The following FN1 variants were observed in gnomAD, a reference collection of about 807,000 sequenced individuals.
The protein encoded by FN1 is fibronectin.
FN1 carries 106 observed loss-of-function variants against 297.3 expected under a neutral mutation model. That is an observed-to-expected ratio of 0.36 (90% CI 0.30 to 0.42). The LOEUF (loss-of-function observed/expected upper bound fraction) is 0.42, where lower values mean the gene tolerates loss of function less well. FN1 is among the 10% of genes least tolerant of loss of function. FN1 has a pLI of 1.00. For synonymous variants in FN1, 1,149 were observed against 1,152.6 expected (o/e 1.00, Z 0.06); for missense variants, 2,690 against 3,124.9 (o/e 0.86, Z 3.32).
intron 5 of FN1, among the ~76,000 whole-genome samples, chr2:215,428,993 C>T (rs1222538885): frequency 1.4e-4 from 21 of 151,744 alleles, no homozygotes; most frequent in Non-Finnish European, 2.6e-4. Flanking sequence ...CCAGCCTGGG[C>T]GACAGGGTGA....
intron 39 of FN1, 108 bp from the exon 40 acceptor site, chr2:215,372,483 A>G (rs765653832): frequency 3.6e-6 from 3 of 831,796 alleles, no homozygotes; most frequent in Non-Finnish European, 6.1e-6. Flanking sequence ...TCAATTTGAT[A>G]AAAGCCACCA....
At position 215,419,327 on chromosome 2, in the gene FN1, C is replaced by T. The variant is rs756253210; in HGVS notation, c.1734G>A (p.Lys578=). Reference sequence around the variant, plus strand: ...ACTGGTATCTGACACCATGCACATACTTCTCCCATGAATCTCCAATTTGAT... The same window carrying T: ...ACTGGTATCTGACACCATGCACATATTTCTCCCATGAATCTCCAATTTGAT... The part of the protein sequence containing the change: ...TFYQIGDSWE[K]YVHGVRYQCY... Residue 578 remains lysine (K), a synonymous_variant, in exon 12 of 46, where the codon AAG becomes AAA. Coordinates refer to ENST00000354785, the MANE Select transcript of FN1 (RefSeq NM_212482.4). 1.2e-6 allele frequency: 2 copies of T among 1,613,372 alleles called. No homozygotes were observed. Among genetic ancestry groups the T allele is most frequent in the South Asian group, 1.1e-5 (1 of 91,062 alleles).
Position 215,436,044 on chromosome 2 carries a change from C to G in FN1, c.-242G>C, listed in dbSNP as rs1477778371. On this transcript the variant is annotated 5_prime_UTR_variant, in exon 1 of 46. Coordinates refer to ENST00000354785, the MANE Select transcript of FN1 (RefSeq NM_212482.4). ...CGCGCCTGGGGTTCCCTCTCCTCCCCCTGTGCAGCACAGCCGGCGCGGGCG... is the reference window on the plus strand; with the variant it reads ...CGCGCCTGGGGTTCCCTCTCCTCCCGCTGTGCAGCACAGCCGGCGCGGGCG... The G allele has an allele frequency of 5.0e-6, 4 of 793,972 alleles. No individual in the cohort carries two copies. In the South Asian group the frequency reaches 8.5e-5, roughly 17 times the overall value. The allele number at this position is 793,972 out of a possible 1,614,324, so 49.2% of individuals were successfully genotyped here. A position where few individuals can be genotyped will look rare whatever the true frequency, so the allele number is the denominator to read the frequency against.
At chr2:215,417,142 TATTTAG>T (rs1487029028) in intron 12 of FN1, among the ~76,000 whole-genome samples, 3 of 152,358 alleles carry the variant, frequency 2.0e-5, no homozygotes, top group African/African-American at 4.8e-5. Flanking sequence ...TCTTTTACAT[TATTTAG>T]ATTTAAACTT....
intron 39 of FN1, among the ~76,000 whole-genome samples, chr2:215,373,065 T>C (rs1297040580): frequency 1.3e-5 from 2 of 152,186 alleles, no homozygotes. Flanking sequence ...TTTAACATCT[T>C]GTTTGAATTT....
In FN1 at chr2:215,361,571, T is replaced by C. The variant is rs1259881247; in HGVS notation, c.7418A>G (p.Glu2473Gly). 1 of 1,609,624 alleles carries C rather than the reference T, an allele frequency of 6.2e-7. No homozygotes were observed. Among genetic ancestry groups the C allele is most frequent in the Admixed American group, 1.7e-5 (1 of 59,994 alleles). Residue 2473 changes from glutamate (E) to glycine (G), a missense_variant, in exon 46 of 46, where the codon GAA becomes GGA. Around this residue, in one of 3 missense-constraint regions of FN1, gnomAD observed 1,743 missense variants for 1,945.2 expected, o/e 0.90. Coordinates refer to ENST00000354785, the MANE Select transcript of FN1 (RefSeq NM_212482.4). ...AAAGATGATTTACTCTCGGGAATCT[T>C]CTCTGTCAGCCTGTACATCTAAAGG... Reference protein sequence around the residue: ...FMPLDVQADREDSRE With the variant: ...FMPLDVQADRGDSRE
In FN1 at chr2:215,423,180, T is replaced by TCACACA. The variant is rs9288509; in HGVS notation, c.1393+164_1393+169dup. On this transcript the variant is annotated intron_variant, in intron 9 of 45. Coordinates refer to ENST00000354785, the MANE Select transcript of FN1 (RefSeq NM_212482.4). ...CAATCCTTATGTATATGATGTAACA[T>TCACACA]CACACACACACACACACACACACAC... Among the ~76,000 whole-genome samples the TCACACA allele has an allele frequency of 0.13, 19,640 of 148,776 alleles. 1,474 individuals carry two copies. Among genetic ancestry groups the TCACACA allele is most frequent in the Non-Finnish European group, 0.18 (11,730 of 66,938 alleles).
chr2:215,409,659 T>G lies in FN1; in HGVS notation c.2203A>C (p.Ser735Arg). Residue 735 changes from serine (S) to arginine (R), a missense_variant, in exon 15 of 46, where the codon AGC (serine) becomes CGC (arginine). Ser to Arg is a moderately radical substitution (Grantham distance 110). This residue lies in a region of FN1 where 876 missense variants were observed against 1,058.1 expected (regional missense o/e 0.83). Transcript: ENST00000354785. Reference protein sequence around the residue: ...SESVTEITASSFVVSWVSASD... With the variant: ...SESVTEITASRFVVSWVSASD... ...GCTGAGACCCAGGAGACCACAAAGC[T>G]ACTGGCTGTGATTTCGGTCACAGAT... is the stretch of plus-strand genomic sequence containing the variant. The G allele has an allele frequency of 6.2e-7, 1 of 1,613,826 alleles. No homozygotes were observed. The highest frequency in any genetic ancestry group is 1.1e-5 in the South Asian group (1 of 91,072).
At chr2:215,380,289 G>A (rs930481816) in intron 33 of FN1, 6 of 163,504 alleles carry the variant, frequency 3.7e-5, no homozygotes, top group African/African-American at 1.4e-4. Flanking sequence ...AGCACAAGAA[G>A]ATAAAGTATT....
chr2:215,370,567 A>AGGG (rs1274405921), intron 40 of FN1, 135 bp from the exon 41 acceptor site: 1 of 785,422 alleles, frequency 1.3e-6, no homozygotes, highest in African/African-American at 1.8e-5. Context: ...AAAAAAAAAA[A>AGGG]AGAGGGAGGG....
At chr2:215,371,155 CT>C (rs2055992167) in intron 40 of FN1, among the ~76,000 whole-genome samples, 1 of 151,936 alleles carries the variant, frequency 6.6e-6, no homozygotes, top group Admixed American at 6.6e-5. Flanking sequence ...GTAATCCCAG[CT>C]ATTTGGGAGG....
chr2:215,392,078 G>A (rs1332424877), intron 25 of FN1: 3 of 447,288 alleles, frequency 6.7e-6, no homozygotes, highest in Middle Eastern at 1.3e-3. Flanking sequence ...CAAATATGTT[G>A]ACTTTATGTA....
In FN1 at chr2:215,367,931, T is replaced by A. The variant is rs149558832; in HGVS notation, c.6950A>T (p.Glu2317Val). ...AVGDEWERMSESGFKLLCQCL... is the reference protein window; with the variant it reads ...AVGDEWERMSVSGFKLLCQCL... ...CTGGCACAACAGTTTAAAGCCTGAT[T>A]CAGACATTCGTTCCCACTCATCTCC... Residue 2317 changes from glutamate (E) to valine (V), a missense_variant, in exon 42 of 46, where the codon GAA becomes GTA. By Grantham distance (121) the Glu-to-Val change is moderately radical (BLOSUM62 -2). Around this residue, in one of 3 missense-constraint regions of FN1, gnomAD observed 1,743 missense variants for 1,945.2 expected, o/e 0.90. Transcript: ENST00000354785. 6 of 1,614,100 alleles carry A rather than the reference T, an allele frequency of 3.7e-6. No homozygotes were observed. In the East Asian group the frequency reaches 1.3e-4, roughly 36 times the overall value.
chr2:215,394,457 G>C (rs1232638313), intron 24 of FN1, 71 bp downstream of exon 24: 8 of 1,247,762 alleles, frequency 6.4e-6, no homozygotes, highest in Non-Finnish European at 9.4e-6. Context: ...TAAGCATCTG[G>C]GGATTAAGAT....
chr2:215,407,105 A>G, intron 18 of FN1, 22 bp downstream of exon 18: 1 of 1,563,272 alleles, frequency 6.4e-7, no homozygotes, highest in Non-Finnish European at 8.8e-7. Context: ...TAACATAGGA[A>G]GTGTCTTCTT....
Position 215,433,342 on chromosome 2 carries a change from T to C in FN1, c.397A>G (p.Ile133Val). 6.2e-7 allele frequency: 1 copy of C among 1,614,210 alleles called. No individual in the cohort carries two copies. Among genetic ancestry groups the C allele is most frequent in the Non-Finnish European group, 8.5e-7 (1 of 1,180,038 alleles). ...TCCTTACTTGCGATGGTACAGCTTA[T>C]TCTCCCTCGCCCAGCCCCGATGCAG... Reference protein sequence around the residue: ...CTCIGAGRGRISCTIANRCHE... With the variant: ...CTCIGAGRGRVSCTIANRCHE... Residue 133 changes from isoleucine (I) to valine (V), a missense_variant, in exon 3 of 46, where the codon ATA becomes GTA. By Grantham distance (29) the Ile-to-Val change is conservative. Transcript: ENST00000354785.
intron 38 of FN1, 41 bp from the exon 39 acceptor site, chr2:215,373,452 CAGCT>C (rs2056636624): frequency 5.2e-6 from 8 of 1,537,334 alleles, no homozygotes; most frequent in Non-Finnish European, 7.2e-6. Context: ...TCAATGGGCT[CAGCT>C]AGTCAAGTGG....
chr2:215,428,122 C>T (rs187520650), intron 6 of FN1, 58 bp downstream of exon 6: 39 of 1,593,518 alleles, frequency 2.4e-5, no homozygotes, highest in South Asian at 5.5e-5. Context: ...GATGGATTTG[C>T]GGAAATATTT....
At chr2:215,362,464 C>T (rs11690611) in intron 44 of FN1, 38,618 of 263,386 alleles carry the variant, frequency 0.15, 3,444 homozygotes, top group East Asian at 0.22. Context: ...CATGAAGAAA[C>T]GTTCTCATTT....
Sources: allele counts gnomAD v4.1 joint callset (sites outside exome capture counted in the v4.1 genomes callset), GRCh38; gene constraint gnomAD v4.1.1; regional missense constraint gnomAD v4.1.1; transcripts MANE v1.5; gene names NCBI Gene and HGNC (gene_info 2026-07-23, HGNC 2026-07-21).